Variants in NOL4L observed in about 807,000 individuals in gnomAD.
NOL4L encodes nucleolar protein 4-like.
A neutral mutation model predicts 64.5 loss-of-function variants in NOL4L; 7 were observed. The observed-to-expected ratio is 0.11, with a 90% CI of 0.06 to 0.20. NOL4L has a LOEUF of 0.20. Among genes scored for constraint, NOL4L ranks in the 10% least tolerant of loss-of-function variants. NOL4L has a pLI of 1.00. For synonymous variants in NOL4L, 413 were observed against 401.0 expected (o/e 1.03, Z -0.36); for missense variants, 680 against 967.1 (o/e 0.70, Z 3.94).
At chr20:32,482,201 C>T (rs2015770957) in intron 4 of NOL4L, among the ~76,000 whole-genome samples, 1 of 151,384 alleles carries the variant, frequency 6.6e-6, no homozygotes, top group African/African-American at 2.4e-5. Context: ...GGGTTTGTGG[C>T]TTCTCCATTG....
chr20:32,516,652 CTT>C (rs1385409835), intron 3 of NOL4L, among the ~76,000 whole-genome samples: 1 of 152,212 alleles, frequency 6.6e-6, no homozygotes, highest in Non-Finnish European at 1.5e-5. Context: ...AATACCCTGA[CTT>C]TACAGATGAG....
intron 1 of NOL4L, among the ~76,000 whole-genome samples, chr20:32,579,551 C>T (rs775313763): frequency 7.2e-5 from 11 of 151,948 alleles, no homozygotes; most frequent in Non-Finnish European, 1.5e-4. Flanking sequence ...GCCTCCCAGA[C>T]GTGCAGGGAC....
rs2013961122 is a variant in NOL4L, at chr20:32,460,691, G to A, written c.842-4296C>T. ...AACTCACCCACTGCCGACGCACGAGGCTCCCAGACTGCAACGGGGGCTTCT... is the reference window on the plus strand; with the variant it reads ...AACTCACCCACTGCCGACGCACGAGACTCCCAGACTGCAACGGGGGCTTCT... On this transcript the variant is annotated intron_variant, in intron 5 of 10. Coordinates refer to ENST00000621426, the MANE Select transcript of NOL4L (RefSeq NM_001256798.2). This position sits in a 1 kb window ranked among gnomAD's most constrained non-coding sequence, Gnocchi z 5.7. Among the ~76,000 whole-genome samples, 1 of 152,148 alleles carries A rather than the reference G, an allele frequency of 6.6e-6. No homozygotes were observed.
intron 3 of NOL4L, among the ~76,000 whole-genome samples, chr20:32,518,369 T>C (rs2017767763): frequency 1.3e-5 from 2 of 151,874 alleles, no homozygotes; most frequent in African/African-American, 4.8e-5. Context: ...GGGGGTGGGG[T>C]GTGGTGGTGG....
At chr20:32,462,001 G>T (rs2014115098) in intron 5 of NOL4L, among the ~76,000 whole-genome samples, 1 of 151,998 alleles carries the variant, frequency 6.6e-6, no homozygotes, top group African/African-American at 2.4e-5. Flanking sequence ...CATGCCCCAG[G>T]CCTGGCCAGT....
chr20:32,503,971 AG>A (rs2017028777), intron 4 of NOL4L, among the ~76,000 whole-genome samples: 1 of 152,050 alleles, frequency 6.6e-6, no homozygotes, highest in African/African-American at 2.4e-5. Context: ...GGCCCATCTG[AG>A]CTTTTTATGA....
chr20:32,567,475 ACCATTTGT>A (rs1320235466), intron 1 of NOL4L, among the ~76,000 whole-genome samples: 2 of 152,172 alleles, frequency 1.3e-5, no homozygotes, highest in African/African-American at 4.8e-5. Context: ...GAGCCAGGGC[ACCATTTGT>A]CCAAACTTAC....
chr20:32,453,306 T>C lies in NOL4L; in HGVS notation c.1495A>G (p.Met499Val), dbSNP rs757753575. The C allele has an allele frequency of 6.2e-7, 1 of 1,613,126 alleles. No homozygotes were observed. The highest frequency in any genetic ancestry group is 8.5e-7 in the Non-Finnish European group (1 of 1,179,316). ...CRRMKKNGMEMTRPTPPHLTS... is the reference protein window; with the variant it reads ...CRRMKKNGMEVTRPTPPHLTS... ...TGGGCCAGGCAGGGGGGACTCACCA[T>C]CTCCATGCCGTTCTTCTTCATGCGA... The change falls in exon 8 of 11, where the codon ATG becomes GTG. Residue 499 changes from methionine to valine, a missense_variant and splice_region_variant. Physicochemically the swap from Met to Val is conservative, Grantham distance 21. Coordinates refer to ENST00000621426, the MANE Select transcript of NOL4L (RefSeq NM_001256798.2). The surrounding 1 kb of genome is among the most constrained non-coding windows in gnomAD (Gnocchi z 5.6).
At chr20:32,471,045 G>A (rs2014975036) in intron 5 of NOL4L, among the ~76,000 whole-genome samples, 1 of 152,232 alleles carries the variant, frequency 6.6e-6, no homozygotes, top group African/African-American at 2.4e-5. Flanking sequence ...GTGGGGAACT[G>A]GTGTAAAGAG....
intron 1 of NOL4L, among the ~76,000 whole-genome samples, chr20:32,584,161 A>ACACACACACACACAC: frequency 7.8e-6 from 1 of 128,380 alleles, no homozygotes; most frequent in Non-Finnish European, 1.7e-5. Context: ...ACACACACAC[A>ACACACACACACACAC]CACACACACC....
chr20:32,466,997 A>T (rs1262485909), intron 5 of NOL4L, among the ~76,000 whole-genome samples: 1 of 152,096 alleles, frequency 6.6e-6, no homozygotes, highest in Non-Finnish European at 1.5e-5. Context: ...TCACCTGAGG[A>T]GGACACTAGA....
chr20:32,490,144 A>AAACAAAAC (rs543768294), intron 4 of NOL4L, among the ~76,000 whole-genome samples: 1 of 122,208 alleles, frequency 8.2e-6, no homozygotes, highest in African/African-American at 3.2e-5. Context: ...AAAAAAAAAA[A>AAACAAAAC]ATATATATAC....
intron 1 of NOL4L, among the ~76,000 whole-genome samples, chr20:32,574,966 C>T (rs1361124912): frequency 2.0e-5 from 3 of 152,164 alleles, no homozygotes; most frequent in Non-Finnish European, 4.4e-5. Context: ...GCCTCCCTCA[C>T]CCCACTCCCA....
intron 5 of NOL4L, among the ~76,000 whole-genome samples, chr20:32,471,396 A>G (rs144027904): frequency 1.4e-5 from 2 of 145,096 alleles, no homozygotes; most frequent in African/African-American, 5.4e-5. Flanking sequence ...CCCCGGTAGA[A>G]GCTCAGAGGC....
At chr20:32,491,523 G>A (rs924101884) in intron 4 of NOL4L, among the ~76,000 whole-genome samples, 2 of 152,196 alleles carry the variant, frequency 1.3e-5, no homozygotes, top group South Asian at 2.1e-4. Flanking sequence ...TGAGGGCTGG[G>A]ACAGGTTCTT....
chr20:32,467,632 A>AG (rs1432478560), intron 5 of NOL4L, among the ~76,000 whole-genome samples: 3 of 152,138 alleles, frequency 2.0e-5, no homozygotes, highest in Non-Finnish European at 4.4e-5. Context: ...GGGGGAGGTG[A>AG]GGAAGACCGC....
At chr20:32,555,470 T>C (rs1273701819) in intron 1 of NOL4L, among the ~76,000 whole-genome samples, 1 of 151,894 alleles carries the variant, frequency 6.6e-6, no homozygotes. Context: ...TGGCTAATTT[T>C]TTTTTTTCAT....
intron 6 of NOL4L, among the ~76,000 whole-genome samples, chr20:32,454,721 C>T (rs1213611968): frequency 6.6e-6 from 1 of 152,262 alleles, no homozygotes; most frequent in Admixed American, 6.5e-5. Context: ...TGACAGTAGC[C>T]TGGGGACACT....
At chr20:32,522,788 C>T (rs753858405) in intron 2 of NOL4L, among the ~76,000 whole-genome samples, 9 of 152,194 alleles carry the variant, frequency 5.9e-5, no homozygotes, top group Non-Finnish European at 1.2e-4. Context: ...AGATGCCCCT[C>T]GGCTCCCCTG....
Sources: gnomAD v4.1 joint callset for allele counts (sites outside exome capture counted in the v4.1 genomes callset) on GRCh38, gnomAD v4.1.1 for gene constraint, Gnocchi (gnomAD v3.1) non-coding constraint, MANE v1.5 for transcripts, NCBI Gene and HGNC (gene_info 2026-07-23, HGNC 2026-07-21) for gene names.